The following PRR19 variants were observed in gnomAD, a reference collection of about 807,000 sequenced individuals.
The protein encoded by PRR19 is proline-rich protein 19.
A neutral mutation model predicts 19.2 loss-of-function variants in PRR19; 9 were observed. That is an observed-to-expected ratio of 0.47 (90% CI 0.28 to 0.82). The LOEUF (loss-of-function observed/expected upper bound fraction) is 0.82. Ranked by LOEUF, PRR19 falls within the 40% of genes least tolerant of loss-of-function variation. The pLI is 0.11. For missense variants in PRR19, 457 were observed against 466.0 expected, an observed-to-expected ratio of 0.98 and a Z score of 0.18; for synonymous variants, 190 against 191.0, an observed-to-expected ratio of 0.99 and a Z score of 0.04.
chr19:42,303,118 G>GTAC (rs2038667316), intron 1 of PRR19, among the ~76,000 whole-genome samples: 1 of 142,758 alleles, frequency 7.0e-6, no homozygotes, highest in African/African-American at 2.6e-5. Flanking sequence ...GAAATCTAAA[G>GTAC]TACATATCTT....
rs1476774479 is a variant in PRR19 at position 42,309,570 on chromosome 19, A to G, written c.-6-9A>G. On this transcript the variant is annotated splice_polypyrimidine_tract_variant and intron_variant, in intron 1 of 2. Transcript: ENST00000341747. ...GCATGCTGATGGCCACCCTATCTTTATATTCCAGGACACCATGGATACCCA... is the reference window on the plus strand; with the variant it reads ...GCATGCTGATGGCCACCCTATCTTTGTATTCCAGGACACCATGGATACCCA... The G allele has an allele frequency of 1.3e-6, 2 of 1,509,642 alleles. No homozygotes were observed. The highest frequency in any genetic ancestry group is 1.4e-5 in the African/African-American group (1 of 71,536). The allele number at this position is 1,509,642 out of a possible 1,614,324, so 93.5% of individuals were successfully genotyped here. A position where few individuals can be genotyped will look rare whatever the true frequency, so the allele number is the denominator to read the frequency against.
At chr19:42,305,657 C>T (rs2038700056) in intron 1 of PRR19, among the ~76,000 whole-genome samples, 1 of 152,164 alleles carries the variant, frequency 6.6e-6, no homozygotes, top group Admixed American at 6.5e-5. Context: ...AGAAACAAAG[C>T]TTCCAGGCAT....
chr19:42,303,073 GT>G (rs1234795779), intron 1 of PRR19, among the ~76,000 whole-genome samples: 9 of 123,250 alleles, frequency 7.3e-5, no homozygotes, highest in African/African-American at 3.3e-4. Context: ...GGGTGTGTGT[GT>G]GTGTGTGTGT....
chr19:42,306,509 G>A (rs973806281), intron 1 of PRR19, among the ~76,000 whole-genome samples: 2 of 152,008 alleles, frequency 1.3e-5, no homozygotes, highest in Non-Finnish European at 2.9e-5. Context: ...TCCCTATGTT[G>A]TCCAGGGTGG....
rs372388460 is a variant in PRR19 at position 42,308,189 on chromosome 19, C to T, written c.-6-1390C>T. Among the ~76,000 whole-genome samples, 5 of 151,990 alleles carry T rather than the reference C, an allele frequency of 3.3e-5. No individual in the cohort carries two copies. In the South Asian group the frequency reaches 1.0e-3, roughly 31 times the overall value. ...CCTGTGATTCCTTATCTGACCAAAC[C>T]TTTTCCAATCTCTCTCTGCTCACTT... On this transcript the variant is annotated intron_variant, in intron 1 of 2. Transcript: ENST00000341747.
At chr19:42,308,337 C>T (rs1036887164) in intron 1 of PRR19, among the ~76,000 whole-genome samples, 2 of 151,730 alleles carry the variant, frequency 1.3e-5, no homozygotes, top group African/African-American at 4.8e-5. Context: ...AGTGATCCTC[C>T]TACCTCAGCT....
intron 1 of PRR19, among the ~76,000 whole-genome samples, chr19:42,305,994 G>A (rs1219246599): frequency 6.6e-6 from 1 of 151,840 alleles, no homozygotes; most frequent in Non-Finnish European, 1.5e-5. Flanking sequence ...GCCCCAGCCT[G>A]CTGAGTCGCT....
chr19:42,306,035 C>G (rs568762073), intron 1 of PRR19, among the ~76,000 whole-genome samples: 23 of 152,178 alleles, frequency 1.5e-4, no homozygotes, highest in African/African-American at 5.5e-4. Context: ...ATGCATGTGG[C>G]CTAATTTTTG....
chr19:42,306,078 C>A (rs2038703523), intron 1 of PRR19, among the ~76,000 whole-genome samples: 1 of 152,114 alleles, frequency 6.6e-6, no homozygotes, highest in South Asian at 2.1e-4. Context: ...CTCCCTCAGG[C>A]GGGCGTGATC....
chr19:42,310,691 C>A lies in PRR19; in HGVS notation c.1022C>A (p.Ala341Asp). Residue 341 changes from alanine (A) to aspartate (D), a missense_variant, in exon 3 of 3, where the codon GCC becomes GAC. Coordinates refer to ENST00000341747, the MANE Select transcript of PRR19 (RefSeq NM_199285.3). The part of the protein sequence containing the change: ...SPLPSLSWVV[A>D]QSSPEAWSFP... ...CTGCCCAGCCTCTCCTGGGTAGTAG[C>A]CCAGAGCAGTCCGGAAGCCTGGTCT... is the stretch of plus-strand genomic sequence containing the variant. 1.9e-6 allele frequency: 3 copies of A among 1,595,644 alleles called. No homozygotes were observed. The highest frequency in any genetic ancestry group is 2.6e-6 in the Non-Finnish European group (3 of 1,170,294).
chr19:42,307,577 C>T (rs1209556195), intron 1 of PRR19, among the ~76,000 whole-genome samples: 1 of 149,838 alleles, frequency 6.7e-6, no homozygotes, highest in Non-Finnish European at 1.5e-5. Context: ...GGTGAGATTA[C>T]AGTCATTCAC....
chr19:42,304,166 G>T (rs1312024993), intron 1 of PRR19, among the ~76,000 whole-genome samples: 2 of 151,892 alleles, frequency 1.3e-5, no homozygotes, highest in African/African-American at 2.4e-5. Flanking sequence ...CGTAGTCCCA[G>T]CTACTTGGGA....
intron 1 of PRR19, chr19:42,307,041 TG>T (rs2038715303): frequency 6.6e-6 from 1 of 152,190 alleles, no homozygotes; most frequent in Non-Finnish European, 1.5e-5. Context: ...CTACGTGAAG[TG>T]GGAAGGGCCG....
chr19:42,308,238 C>T (rs1227100407), intron 1 of PRR19, among the ~76,000 whole-genome samples: 1 of 151,916 alleles, frequency 6.6e-6, no homozygotes, highest in Non-Finnish European at 1.5e-5. Flanking sequence ...TTCTCTCTCT[C>T]TTTTAAGAGA....
rs1185655459 is a variant in PRR19, at chr19:42,310,324, C to G, written c.655C>G (p.Pro219Ala). ...RKMTPFWINS[P>A]DQVPEQERQR... The stretch of plus-strand genomic sequence containing the variant: ...GATGACACCCTTCTGGATTAATAGC[C>G]CTGATCAAGTCCCAGAGCAGGAGAG... Residue 219 changes from proline (P) to alanine (A), a missense_variant, in exon 3 of 3, where the codon CCT becomes GCT. Coordinates refer to ENST00000341747, the MANE Select transcript of PRR19 (RefSeq NM_199285.3). The G allele has an allele frequency of 1.9e-6, 3 of 1,614,106 alleles. No homozygotes were observed. Among genetic ancestry groups the G allele is most frequent in the Non-Finnish European group, 8.5e-7 (1 of 1,179,998 alleles).
At chr19:42,303,226 C>T (rs1011326044) in intron 1 of PRR19, among the ~76,000 whole-genome samples, 7 of 151,998 alleles carry the variant, frequency 4.6e-5, no homozygotes, top group African/African-American at 1.7e-4. Flanking sequence ...ATTCAAGACA[C>T]CATAGGACCT....
intron 1 of PRR19, among the ~76,000 whole-genome samples, chr19:42,303,241 G>A (rs2038669083): frequency 6.6e-6 from 1 of 152,098 alleles, no homozygotes; most frequent in African/African-American, 2.4e-5. Context: ...GGACCTGCTT[G>A]GAGGGTAGAA....
At chr19:42,308,629 C>G (rs2038744038) in intron 1 of PRR19, 1 of 152,088 alleles carries the variant, frequency 6.6e-6, no homozygotes, top group African/African-American at 2.4e-5. Flanking sequence ...GAACTCCTGG[C>G]CTCAAGTGAT....
chr19:42,306,473 C>T (rs2147395442), intron 1 of PRR19, among the ~76,000 whole-genome samples: 1 of 152,086 alleles, frequency 6.6e-6, no homozygotes, highest in African/African-American at 2.4e-5. Context: ...ACGCCCAAAG[C>T]TAATTTATTT....
Sources: gnomAD v4.1 joint callset for allele counts (sites outside exome capture counted in the v4.1 genomes callset) on GRCh38, gnomAD v4.1.1 for gene constraint, MANE v1.5 for transcripts, NCBI Gene and HGNC (gene_info 2026-07-23, HGNC 2026-07-21) for gene names.